The following CIZ1 variants were observed in gnomAD, a reference collection of about 807,000 sequenced individuals.
CIZ1 encodes CDKN1A interacting zinc finger protein 1, also known as cip1-interacting zinc finger protein.
Under a neutral mutation model 118.6 loss-of-function variants are expected in CIZ1, and 58 were observed. The ratio of observed to expected loss-of-function variants is 0.49; its 90% CI spans 0.40 to 0.61. The LOEUF (loss-of-function observed/expected upper bound fraction) is 0.61, where lower values mean the gene tolerates loss of function less well. Ranked by LOEUF, CIZ1 falls within the 20% of genes least tolerant of loss-of-function variation. The pLI, the probability that CIZ1 is intolerant of heterozygous loss-of-function variation, is 0.00. For missense variants in CIZ1, 921 were observed against 1,115.9 expected, an observed-to-expected ratio of 0.83 and a Z score of 2.49; for synonymous variants, 448 against 443.4, an observed-to-expected ratio of 1.01 and a Z score of -0.13.
intron 10 of CIZ1, 23 bp downstream of exon 10, chr9:128,177,538 TCCCCA>T: frequency 2.5e-6 from 1 of 395,088 alleles, no homozygotes; most frequent in Non-Finnish European, 4.7e-6. Flanking sequence ...GCCCCACCCC[TCCCCA>T]CCCTTATCTC....
At position 128,203,305 on chromosome 9, in the gene CIZ1, C is replaced by T; in HGVS notation, c.-6+881G>A. The T allele has an allele frequency of 2.3e-6, 1 of 440,686 alleles. No homozygotes were observed. The allele number at this position is 440,686 out of a possible 1,614,324, so 27.3% of individuals were successfully genotyped here. On this transcript the variant is annotated intron_variant, in intron 1 of 17. Coordinates refer to the CIZ1 transcript ENST00000372948. The surrounding 1 kb of genome is among the most constrained non-coding windows in gnomAD (Gnocchi z 5.3). ...GCACGGCGGCCGGCCCGCAGCGCCG[C>T]GGGCTCCCCCTAGCGGCGTCCGGGA... is the stretch of plus-strand genomic sequence containing the variant.
At chr9:128,174,030 A>ACAC (rs10638585) in intron 11 of CIZ1, among the ~76,000 whole-genome samples, 2 of 149,586 alleles carry the variant, frequency 1.3e-5, no homozygotes, top group Admixed American at 6.6e-5. Context: ...AAAACAAAAA[A>ACAC]AAAAAACAAA....
At chr9:128,172,524 C>T (rs1415379260) in intron 11 of CIZ1, among the ~76,000 whole-genome samples, 2 of 151,920 alleles carry the variant, frequency 1.3e-5, no homozygotes, top group African/African-American at 2.4e-5. Flanking sequence ...TCTCACTCAG[C>T]GAAAATAAGG....
chr9:128,193,016 C>G (rs546594530), upstream of CIZ1, among the ~76,000 whole-genome samples: 1 of 152,340 alleles, frequency 6.6e-6, no homozygotes, highest in Admixed American at 6.5e-5. Context: ...GCTCGGGCAG[C>G]AGAATTCGCG....
intron 11 of CIZ1, among the ~76,000 whole-genome samples, chr9:128,173,639 G>C (rs1830440077): frequency 6.6e-6 from 1 of 152,152 alleles, no homozygotes; most frequent in African/African-American, 2.4e-5. Flanking sequence ...AATGAAGAAA[G>C]GGGGTGGGGA....
At chr9:128,181,419 T>A (rs1285196712) in intron 5 of CIZ1, among the ~76,000 whole-genome samples, 2 of 152,186 alleles carry the variant, frequency 1.3e-5, no homozygotes, top group South Asian at 2.1e-4. Context: ...AAACAAGAAT[T>A]GTTATACCAG....
At chr9:128,185,143 T>C (rs1470185803) in intron 5 of CIZ1, among the ~76,000 whole-genome samples, 1 of 152,036 alleles carries the variant, frequency 6.6e-6, no homozygotes, top group African/African-American at 2.4e-5. Context: ...CTGGGCGTGG[T>C]GGCGCATGCC....
intron 14 of CIZ1, 52 bp from the exon 15 acceptor site, chr9:128,167,216 C>T: frequency 5.6e-6 from 8 of 1,418,478 alleles, no homozygotes; most frequent in Non-Finnish European, 7.6e-6. Flanking sequence ...TGACACCTCC[C>T]AGACACAGGT....
intron 1 of CIZ1, among the ~76,000 whole-genome samples, chr9:128,202,425 C>T (rs1301574943): frequency 2.0e-5 from 3 of 152,172 alleles, no homozygotes; most frequent in Non-Finnish European, 2.9e-5. Flanking sequence ...CACTGTTTTA[C>T]GCTGTTTTAC....
In CIZ1 at chr9:128,177,546, CTTATCTCCTGTAT is replaced by C; in HGVS notation, c.1818+7_1818+19del. ...CACGCAGGCCCCACCCCTCCCCACC[CTTATCTCCTGTAT>C]CAGTACCTGCTGGCTGGAGCAGCTG... On this transcript the variant is annotated splice_region_variant and intron_variant, in intron 10 of 16. Transcript: ENST00000372938. The C allele has an allele frequency of 2.2e-6, 3 of 1,353,424 alleles. No individual in the cohort carries two copies. The highest frequency in any genetic ancestry group is 3.0e-6 in the Non-Finnish European group (3 of 1,013,728). 83.8% of individuals were successfully genotyped at this position (1,353,424 alleles called of 1,614,324 possible).
At chr9:128,186,833 C>A (rs1832433203) in intron 4 of CIZ1, among the ~76,000 whole-genome samples, 1 of 152,188 alleles carries the variant, frequency 6.6e-6, no homozygotes, top group African/African-American at 2.4e-5. Flanking sequence ...TTCAGACCTC[C>A]CTATAGGTAT....
chr9:128,203,695 G>A lies in CIZ1; in HGVS notation c.-6+491C>T. The A allele has an allele frequency of 2.9e-6, 4 of 1,363,292 alleles. No homozygotes were observed. Among genetic ancestry groups the A allele is most frequent in the Non-Finnish European group, 3.8e-6 (4 of 1,059,730 alleles). 84.4% of individuals were successfully genotyped at this position (1,363,292 alleles called of 1,614,324 possible). A position where few individuals can be genotyped will look rare whatever the true frequency, so the allele number is the denominator to read the frequency against. Reference sequence around the variant, plus strand: ...CCGGGATCCCTGGAGTCCCCGCCCGGGGCACTGACGGCGCGGCGACCTCGC... The same window carrying A: ...CCGGGATCCCTGGAGTCCCCGCCCGAGGCACTGACGGCGCGGCGACCTCGC... On this transcript the variant is annotated intron_variant, in intron 1 of 17. Transcript: ENST00000372948. The surrounding 1 kb of genome is among the most constrained non-coding windows in gnomAD (Gnocchi z 5.3).
At chr9:128,175,280 C>T (rs1349833381) in intron 11 of CIZ1, among the ~76,000 whole-genome samples, 1 of 152,088 alleles carries the variant, frequency 6.6e-6, no homozygotes, top group Non-Finnish European at 1.5e-5. Context: ...CCCCTACTTT[C>T]GAGTATTTTA....
At chr9:128,191,706 G>T, upstream of CIZ1, 1 of 1,308,378 alleles carries the variant, frequency 7.6e-7, no homozygotes, top group Non-Finnish European at 9.7e-7. The surrounding 1 kb of genome is among the most constrained non-coding windows in gnomAD (Gnocchi z 5.5). Context: ...GCTAGCAGGT[G>T]CGAGGGGGTC....
At chr9:128,177,832 A>G in intron 9 of CIZ1, 69 bp from the exon 10 acceptor site, 1 of 1,107,632 alleles carries the variant, frequency 9.0e-7, no homozygotes, top group South Asian at 1.6e-5. Context: ...AGCATTCAAC[A>G]TCTGCCAACG....
intron 6 of CIZ1, 58 bp downstream of exon 6, chr9:128,180,663 C>G (rs575983539): frequency 1.4e-5 from 20 of 1,420,304 alleles, no homozygotes; most frequent in Non-Finnish European, 2.0e-5. Context: ...TGCTGACCCG[C>G]CCACTGGCCC....
chr9:128,185,205 G>A (rs1366928810), intron 5 of CIZ1, among the ~76,000 whole-genome samples: 1 of 152,136 alleles, frequency 6.6e-6, no homozygotes, highest in South Asian at 2.1e-4. Context: ...TTGAACCTGG[G>A]AGACGGAGGT....
upstream of CIZ1, among the ~76,000 whole-genome samples, chr9:128,193,313 G>A (rs1367887911): frequency 6.6e-6 from 1 of 152,166 alleles, no homozygotes; most frequent in East Asian, 1.9e-4. Flanking sequence ...CACTGGAGAA[G>A]GGTGTGAACC....
At chr9:128,176,777 A>G (rs1830906109) in intron 10 of CIZ1, among the ~76,000 whole-genome samples, 1 of 152,226 alleles carries the variant, frequency 6.6e-6, no homozygotes, top group South Asian at 2.1e-4. Flanking sequence ...TCACAGCACA[A>G]GAGTAGTAAT....
Sources: allele counts gnomAD v4.1 joint callset (sites outside exome capture counted in the v4.1 genomes callset), GRCh38; gene constraint gnomAD v4.1.1; non-coding constraint Gnocchi (gnomAD v3.1); transcripts MANE v1.5; gene names NCBI Gene and HGNC (gene_info 2026-07-23, HGNC 2026-07-21).